The following NHERF4 variants were observed in gnomAD, a reference collection of about 807,000 sequenced individuals.
The protein encoded by NHERF4 is NHERF family PDZ scaffold protein 4.
At chr11:119,187,187 CA>C in the NHERF4 span, 2 of 1,138,948 alleles carry the variant, frequency 1.8e-6, no homozygotes, top group Non-Finnish European at 1.2e-6. Context: ...ATTCCCTTGG[CA>C]AAAAAATGTG....
At chr11:119,186,222 C>A in the NHERF4 span, 4 of 1,614,150 alleles carry the variant, frequency 2.5e-6, no homozygotes, top group Non-Finnish European at 3.4e-6. The surrounding 1 kb of genome is among the most constrained non-coding windows in gnomAD (Gnocchi z 4.4). Context: ...CACGGCTCCA[C>A]ACGGCCTCCG....
At chr11:119,187,033 G>GGAGGGCT in the NHERF4 span, among the ~76,000 whole-genome samples, 16 of 152,054 alleles carry the variant, frequency 1.1e-4, no homozygotes, top group African/African-American at 3.6e-4. Flanking sequence ...CAGCTACTCG[G>GGAGGGCT]GAGGGCTGAG....
the NHERF4 span, chr11:119,185,620 C>CCAAAA: frequency 9.4e-7 from 1 of 1,066,498 alleles, no homozygotes; most frequent in Non-Finnish European, 1.4e-6. Flanking sequence ...GCTTGGAGCC[C>CCAAAA]TGAGGCAGGT....
At chr11:119,187,510 T>C in the NHERF4 span, 1 of 1,611,754 alleles carries the variant, frequency 6.2e-7, no homozygotes, top group East Asian at 2.2e-5. Flanking sequence ...TCTCAGCCCC[T>C]GTTCAGGGCA....
chr11:119,187,056 CTT>C, the NHERF4 span, among the ~76,000 whole-genome samples: 3 of 150,264 alleles, frequency 2.0e-5, no homozygotes, highest in African/African-American at 7.4e-5. Context: ...AGGAGAATCA[CTT>C]GAACATGGGA....
the NHERF4 span, chr11:119,186,650 C>T: frequency 2.2e-5 from 35 of 1,611,252 alleles, no homozygotes; most frequent in Non-Finnish European, 2.4e-5. The surrounding 1 kb of genome is among the most constrained non-coding windows in gnomAD (Gnocchi z 4.4). Flanking sequence ...AGGATCCTGG[C>T]GGTGAACAAT....
chr11:119,186,164 T>C, the NHERF4 span: 5,708 of 1,614,136 alleles, frequency 3.5e-3, 224 homozygotes, highest in South Asian at 0.059. This position sits in a 1 kb window ranked among gnomAD's most constrained non-coding sequence, Gnocchi z 4.4. Context: ...ACGACCCCTA[T>C]GGTAACTCCC....
the NHERF4 span, chr11:119,188,994 C>G: frequency 6.2e-7 from 1 of 1,614,018 alleles, no homozygotes; most frequent in Non-Finnish European, 8.5e-7. Context: ...TGCATGCCCC[C>G]ACAACACCAG....
the NHERF4 span, chr11:119,186,229 TC>T: frequency 1.2e-6 from 2 of 1,614,088 alleles, no homozygotes; most frequent in Non-Finnish European, 1.7e-6. The surrounding 1 kb of genome is among the most constrained non-coding windows in gnomAD (Gnocchi z 4.4). Context: ...CCACACGGCC[TC>T]CGATCTCCTT....
At chr11:119,189,367 C>G in the NHERF4 span, 1 of 1,534,928 alleles carries the variant, frequency 6.5e-7, no homozygotes, top group Non-Finnish European at 9.0e-7. This position sits in a 1 kb window ranked among gnomAD's most constrained non-coding sequence, Gnocchi z 5.8. Flanking sequence ...GTGAAATAAA[C>G]CCCATTTCTG....
At chr11:119,188,845 G>C in the NHERF4 span, 7 of 1,614,008 alleles carry the variant, frequency 4.3e-6, no homozygotes, top group Non-Finnish European at 5.9e-6. Context: ...GTGGCCAGTG[G>C]GCCTCGTCTC....
the NHERF4 span, chr11:119,186,255 C>G: frequency 6.2e-7 from 1 of 1,613,334 alleles, no homozygotes; most frequent in Admixed American, 1.7e-5. The surrounding 1 kb of genome is among the most constrained non-coding windows in gnomAD (Gnocchi z 4.4). Flanking sequence ...ACCACTCACT[C>G]GGTCTCCCTC....
At chr11:119,188,946 C>A in the NHERF4 span, 8 of 1,612,186 alleles carry the variant, frequency 5.0e-6, no homozygotes, top group Non-Finnish European at 6.8e-6. Context: ...CCTCCCAGAG[C>A]CTAAAGCCAG....
chr11:119,186,078 C>G, the NHERF4 span: 1 of 1,610,426 alleles, frequency 6.2e-7, no homozygotes, highest in African/African-American at 1.3e-5. The surrounding 1 kb of genome is among the most constrained non-coding windows in gnomAD (Gnocchi z 4.4). Flanking sequence ...CCTGCTTCCC[C>G]TGCCTCCTTG....
the NHERF4 span, chr11:119,188,185 T>TG: frequency 6.6e-7 from 1 of 1,514,552 alleles, no homozygotes; most frequent in Non-Finnish European, 8.9e-7. Flanking sequence ...AGGTGGGCCT[T>TG]GGGGTGGGCA....
the NHERF4 span, chr11:119,187,580 C>G: frequency 6.3e-7 from 1 of 1,590,618 alleles, no homozygotes; most frequent in African/African-American, 1.3e-5. Context: ...AGGGTCCTTT[C>G]TGGTTGGTGC....
the NHERF4 span, chr11:119,187,639 G>A: frequency 9.2e-5 from 144 of 1,562,546 alleles, no homozygotes; most frequent in Non-Finnish European, 1.2e-4. Context: ...CCCGGGGCCC[G>A]GCTGCTGGAA....
chr11:119,187,606 C>T, the NHERF4 span: 1 of 1,583,734 alleles, frequency 6.3e-7, no homozygotes, highest in Non-Finnish European at 8.6e-7. Flanking sequence ...ACTGGAGGAG[C>T]AGCTGAGCGG....
chr11:119,188,685 G>A, the NHERF4 span: 10 of 1,614,028 alleles, frequency 6.2e-6, no homozygotes, highest in African/African-American at 1.3e-5. Flanking sequence ...AGAGGCTCCC[G>A]CCTCGCCCCG....
Sources: allele counts gnomAD v4.1 joint callset (sites outside exome capture counted in the v4.1 genomes callset), GRCh38; gene constraint gnomAD v4.1.1; non-coding constraint Gnocchi (gnomAD v3.1); transcripts MANE v1.5; gene names NCBI Gene and HGNC (gene_info 2026-07-23, HGNC 2026-07-21).